The following COL18A1 variants were observed in gnomAD, a reference collection of about 807,000 sequenced individuals.
The protein encoded by COL18A1 is collagen type XVIII alpha 1 chain, also known as collagen alpha-1(XVIII) chain.
A neutral mutation model predicts 168.0 loss-of-function variants in COL18A1; 133 were observed. The observed-to-expected ratio is 0.79, with a 90% CI of 0.69 to 0.91. The LOEUF is 0.91. COL18A1 is among the 40% of genes least tolerant of loss of function. The pLI, the probability that COL18A1 is intolerant of heterozygous loss-of-function variation, is 0.00. For missense variants in COL18A1, 2,126 were observed against 1,925.4 expected, an observed-to-expected ratio of 1.10 and a Z score of -1.95; for synonymous variants, 949 against 809.0, an observed-to-expected ratio of 1.17 and a Z score of -2.94.
intron 24 of COL18A1, 36 bp downstream of exon 24, chr21:45,492,749 G>A (rs776006835): frequency 3.3e-5 from 24 of 720,026 alleles, no homozygotes; most frequent in Non-Finnish European, 4.3e-5. Context: ...ATGCTGCCCG[G>A]CTGGGGAGGG....
chr21:45,477,295 C>T (rs1409913408), intron 6 of COL18A1, 116 bp from the exon 7 acceptor site: 22 of 778,398 alleles, frequency 2.8e-5, no homozygotes, highest in Non-Finnish European at 4.2e-5. Flanking sequence ...CTGACAGTGT[C>T]CAGCCGGGCT....
intron 14 of COL18A1, among the ~76,000 whole-genome samples, 193 bp from the exon 15 acceptor site, chr21:45,482,602 C>T (rs2035939007): frequency 1.3e-5 from 2 of 152,210 alleles, no homozygotes; most frequent in Non-Finnish European, 2.9e-5. Context: ...TCCCTTGTGG[C>T]TTCCCTTTCA....
chr21:45,441,904 C>T (rs542921809), intron 2 of COL18A1, among the ~76,000 whole-genome samples: 4 of 152,368 alleles, frequency 2.6e-5, no homozygotes, highest in Non-Finnish European at 4.4e-5. Context: ...AGGCCGCCCT[C>T]AGCACAGGGT....
chr21:45,476,305 G>C, intron 5 of COL18A1, 46 bp from the exon 6 acceptor site: 1 of 1,612,632 alleles, frequency 6.2e-7, no homozygotes, highest in Non-Finnish European at 8.5e-7. Flanking sequence ...TCTCCACCGG[G>C]CATCTGCCGG....
At position 45,508,770 on chromosome 21, in the gene COL18A1, C is replaced by T. The variant is rs146758429; in HGVS notation, c.3250-586C>T. Among the ~76,000 whole-genome samples the T allele has an allele frequency of 1.6e-3, 240 of 152,230 alleles. 1 individual carries two copies. The highest frequency in any genetic ancestry group is 5.2e-3 in the African/African-American group (218 of 41,524). On this transcript the variant is annotated intron_variant, in intron 38 of 41. Transcript: ENST00000651438. ...AATAGTCATGGCCCCTCCTGTGTGCCGGGTGGCCATGGATATTGCCCTGGG... is the reference window on the plus strand; with the variant it reads ...AATAGTCATGGCCCCTCCTGTGTGCTGGGTGGCCATGGATATTGCCCTGGG...
intron 17 of COL18A1, 78 bp from the exon 18 acceptor site, chr21:45,488,340 C>T (rs569157069): frequency 4.6e-5 from 73 of 1,589,910 alleles, no homozygotes; most frequent in Middle Eastern, 1.7e-4. Context: ...CTGTTACTAG[C>T]GGGCTTTTCT....
intron 9 of COL18A1, among the ~76,000 whole-genome samples, chr21:45,479,534 C>T (rs2035815871): frequency 6.6e-6 from 1 of 151,364 alleles, no homozygotes; most frequent in South Asian, 2.1e-4. Context: ...CATACATGCA[C>T]ACTCACACAT....
chr21:45,417,691 GCT>G (rs764524105), intron 2 of COL18A1, among the ~76,000 whole-genome samples: 25 of 152,180 alleles, frequency 1.6e-4, no homozygotes, highest in Non-Finnish European at 2.8e-4. Context: ...TGGGGTGACC[GCT>G]CTCGGCCGGG....
At chr21:45,475,363 C>A in intron 4 of COL18A1, 113 bp from the exon 5 acceptor site, 1 of 975,286 alleles carries the variant, frequency 1.0e-6, no homozygotes, top group Non-Finnish European at 1.6e-6. Flanking sequence ...CTGGACGAGG[C>A]GAGAGGGGGC....
intron 2 of COL18A1, among the ~76,000 whole-genome samples, chr21:45,449,200 T>G (rs905296806): frequency 6.6e-6 from 1 of 152,172 alleles, no homozygotes; most frequent in African/African-American, 2.4e-5. Flanking sequence ...GCCCTGGGGC[T>G]GCGGTGGAGG....
At chr21:45,410,525 G>A (rs546712838) in intron 2 of COL18A1, among the ~76,000 whole-genome samples, 9 of 152,354 alleles carry the variant, frequency 5.9e-5, no homozygotes, top group Admixed American at 2.0e-4. Context: ...GATTGGTTAC[G>A]GTGGCGGAAC....
At chr21:45,481,296 C>T (rs1034607763) in intron 13 of COL18A1, among the ~76,000 whole-genome samples, 5 of 152,114 alleles carry the variant, frequency 3.3e-5, no homozygotes, top group Admixed American at 1.3e-4. Context: ...CCACACATGA[C>T]GGGCAGCAGG....
chr21:45,455,559 TC>T (rs772223103), intron 2 of COL18A1: 1 of 1,613,732 alleles, frequency 6.2e-7, no homozygotes, highest in Non-Finnish European at 8.5e-7. Flanking sequence ...GGCTGCCACA[TC>T]CTGCTGCTGC....
chr21:45,489,891 C>G (rs1361738614), intron 19 of COL18A1, among the ~76,000 whole-genome samples: 14 of 96,206 alleles, frequency 1.5e-4, no homozygotes, highest in African/African-American at 6.1e-4. Flanking sequence ...TCCCCGACTT[C>G]CCCCTCCCCC....
At chr21:45,508,741 A>G (rs1285810415) in intron 38 of COL18A1, among the ~76,000 whole-genome samples, 1 of 152,134 alleles carries the variant, frequency 6.6e-6, no homozygotes, top group Non-Finnish European at 1.5e-5. Context: ...TCATTCAGCC[A>G]GTCAATAGTC....
intron 2 of COL18A1, chr21:45,455,597 G>A: frequency 6.2e-7 from 1 of 1,613,944 alleles, no homozygotes; most frequent in Non-Finnish European, 8.5e-7. Flanking sequence ...GGCTGCCCGG[G>A]CCAACCTGCT....
intron 2 of COL18A1, among the ~76,000 whole-genome samples, chr21:45,454,760 T>C (rs2034740076): frequency 6.6e-6 from 1 of 152,216 alleles, no homozygotes; most frequent in Non-Finnish European, 1.5e-5. Context: ...CCCTGTGGGT[T>C]ACCGGCTGCC....
In COL18A1 at chr21:45,423,414, C is replaced by T. The variant is rs369422061; in HGVS notation, c.106+17941C>T. On this transcript the variant is annotated intron_variant, in intron 2 of 41. Coordinates refer to ENST00000651438, the MANE Select transcript of COL18A1 (RefSeq NM_001379500.1). This position sits in a 1 kb window ranked among gnomAD's most constrained non-coding sequence, Gnocchi z 4.0. ...ATTCAGTGATTTGCAGAGAGAAAGG[C>T]GTGGAGCTCCACAAGCACCTCGGAC... Among the ~76,000 whole-genome samples, 6 of 152,178 alleles carry T rather than the reference C, an allele frequency of 3.9e-5. No individual in the cohort carries two copies. Among genetic ancestry groups the T allele is most frequent in the South Asian group, 2.1e-4 (1 of 4,828 alleles).
intron 17 of COL18A1, 28 bp downstream of exon 17, chr21:45,487,537 C>A: frequency 1.9e-6 from 3 of 1,611,450 alleles, no homozygotes; most frequent in Non-Finnish European, 2.5e-6. Context: ...GCGTGGCCGG[C>A]TCTGAGGGGT....
Sources: gnomAD v4.1 joint callset for allele counts (sites outside exome capture counted in the v4.1 genomes callset) on GRCh38, gnomAD v4.1.1 for gene constraint, Gnocchi (gnomAD v3.1) non-coding constraint, MANE v1.5 for transcripts, NCBI Gene and HGNC (gene_info 2026-07-23, HGNC 2026-07-21) for gene names.